SIN3B: variants seen among roughly 807,000 people sequenced by gnomAD.
SIN3B encodes the protein paired amphipathic helix protein Sin3b.
SIN3B carries 19 observed loss-of-function variants against 120.2 expected under a neutral mutation model. The observed-to-expected ratio is 0.16, with a 90% CI of 0.11 to 0.23. The LOEUF (loss-of-function observed/expected upper bound fraction) is 0.23. Ranked by LOEUF, SIN3B falls within the 10% of genes least tolerant of loss-of-function variation. SIN3B has a pLI of 1.00. For missense variants in SIN3B, 1,073 were observed against 1,573.0 expected (o/e 0.68, Z 5.38); for synonymous variants, 654 against 653.2 (o/e 1.00, Z -0.02).
At chr19:16,865,786 G>A (rs1184571711) in intron 11 of SIN3B, 138 bp downstream of exon 11, 1 of 632,796 alleles carries the variant, frequency 1.6e-6, no homozygotes. Flanking sequence ...CTCCAGGGGT[G>A]GTCTCTGAGG....
chr19:16,858,955 G>GAAAAC (rs1365259112), intron 8 of SIN3B, among the ~76,000 whole-genome samples: 3 of 151,044 alleles, frequency 2.0e-5, no homozygotes, highest in Non-Finnish European at 3.0e-5. Context: ...TCAAAAAAAC[G>GAAAAC]AAAACAAAAA....
At chr19:16,831,472 C>A (rs1361972641) in intron 2 of SIN3B, 22 bp from the exon 3 acceptor site, 1 of 1,609,658 alleles carries the variant, frequency 6.2e-7, no homozygotes, top group African/African-American at 1.3e-5. Context: ...ACCCTTTTGC[C>A]CACTTCCGTT....
chr19:16,860,719 G>A (rs1364451278), intron 8 of SIN3B, among the ~76,000 whole-genome samples: 1 of 150,406 alleles, frequency 6.6e-6, no homozygotes. Context: ...TCCTGCCTCA[G>A]CCTCTCCCAG....
rs1971581360 is a variant in SIN3B, at chr19:16,854,126, G to A, written c.940-17G>A. ...GGAGCAGGGGTTCACAGTGGTCCCT[G>A]ACTGCTCTCTCTGCAGGTCCGCCGG... On this transcript the variant is annotated splice_polypyrimidine_tract_variant and intron_variant, in intron 7 of 18. Transcript: ENST00000248054. The A allele has an allele frequency of 1.8e-5, 29 of 1,598,906 alleles. No individual in the cohort carries two copies. Among genetic ancestry groups the A allele is most frequent in the Non-Finnish European group, 2.4e-5 (28 of 1,169,334 alleles).
At chr19:16,863,023 T>C (rs773145640) in intron 9 of SIN3B, 2 of 1,446,096 alleles carry the variant, frequency 1.4e-6, no homozygotes, top group Non-Finnish European at 1.9e-6. Flanking sequence ...CTGCCCGTGT[T>C]TGTAAATAAA....
chr19:16,878,522 A>G lies in SIN3B; in HGVS notation c.3188A>G (p.His1063Arg). Residue 1063 changes from histidine (H) to arginine (R), a missense_variant, in exon 19 of 19, where the codon CAC becomes CGC. Coordinates refer to ENST00000248054, the MANE Select transcript of SIN3B (RefSeq NM_001297595.2). Reference protein sequence around the residue: ...KQVQPLVLLRHHQHFEEWHSR... With the variant: ...KQVQPLVLLRRHQHFEEWHSR... ...GTGCAGCCCCTGGTCCTGCTCCGCC[A>G]CCACCAGCACTTTGAGGAGTGGCAC... The G allele has an allele frequency of 6.3e-7, 1 of 1,587,886 alleles. No homozygotes were observed.
chr19:16,832,013 C>T (rs1971284724), intron 3 of SIN3B, among the ~76,000 whole-genome samples: 1 of 152,110 alleles, frequency 6.6e-6, no homozygotes, highest in South Asian at 2.1e-4. Context: ...TAAGCATGTC[C>T]TCGTCTGCCT....
rs746957519 is a variant in SIN3B, at chr19:16,846,987, G to A, written c.600G>A (p.Thr200=). ...ACTGGCAGAAGGAGCAGCTGAACAC[G>A]AGGGGCCGGCCATTCCGAGGCATGT... ...LHTYQKEQLN[T]RGRPFRGMSE... The change falls in exon 5 of 19, where the codon ACG becomes ACA. Residue 200 remains threonine (T), a synonymous_variant. Coordinates refer to ENST00000248054, the MANE Select transcript of SIN3B (RefSeq NM_001297595.2). 1.2e-6 allele frequency: 2 copies of A among 1,613,930 alleles called. No individual in the cohort carries two copies. The highest frequency in any genetic ancestry group is 1.7e-6 in the Non-Finnish European group (2 of 1,179,912).
chr19:16,877,558 A>G lies in SIN3B; in HGVS notation c.2873A>G (p.Tyr958Cys). The change falls in exon 17 of 19, where the codon TAC becomes TGC. Residue 958 changes from tyrosine (Y) to cysteine (C), a missense_variant. This residue lies in a region of SIN3B where 311 missense variants were observed against 400.3 expected (regional missense o/e 0.78). Transcript: ENST00000248054. ...DPVEVQHLAR[Y>C]VEQYVGTEGA... ...CCCTGTCCCCAGCACCTGGCTCGGT[A>G]CGTGGAGCAGTATGTGGGGACCGAG... 6.2e-7 allele frequency: 1 copy of G among 1,609,992 alleles called. No homozygotes were observed. Among genetic ancestry groups the G allele is most frequent in the Non-Finnish European group, 8.5e-7 (1 of 1,178,678 alleles).
At chr19:16,871,567 A>C in intron 14 of SIN3B, 169 bp downstream of exon 14, 1 of 622,402 alleles carries the variant, frequency 1.6e-6, no homozygotes, top group East Asian at 2.9e-5. Flanking sequence ...TGAAGTGTAC[A>C]GTTTGGTAAC....
chr19:16,835,865 G>A (rs1971341407), intron 3 of SIN3B, among the ~76,000 whole-genome samples: 1 of 152,148 alleles, frequency 6.6e-6, no homozygotes, highest in African/African-American at 2.4e-5. Flanking sequence ...ATGTTGTCCA[G>A]GCTGGACTCA....
chr19:16,843,078 T>A (rs956346350), intron 4 of SIN3B, among the ~76,000 whole-genome samples: 1 of 152,108 alleles, frequency 6.6e-6, no homozygotes. Flanking sequence ...CGCTTGGAAT[T>A]TTTTTTAGCA....
Position 16,853,067 on chromosome 19 carries a change from A to G in SIN3B, c.850-2A>G. ...TTAACTGCATAGAATTTCTCCCCAC[A>G]GAAAAAAATGAAACTTCGTGGTACC... On this transcript the variant is annotated splice_acceptor_variant, in intron 6 of 18. Transcript: ENST00000248054. LOFTEE classifies it high-confidence loss of function. The G allele has an allele frequency of 6.2e-7, 1 of 1,614,024 alleles. No homozygotes were observed. Among genetic ancestry groups the G allele is most frequent in the Non-Finnish European group, 8.5e-7 (1 of 1,179,866 alleles).
In SIN3B at chr19:16,871,534, G is replaced by A. The variant is rs137871972; in HGVS notation, c.2592+136G>A. 5.5e-4 allele frequency: 430 copies of A among 784,832 alleles called. 2 individuals carry two copies. In the East Asian group the frequency reaches 0.011, roughly 20 times the overall value. 48.6% of individuals were successfully genotyped at this position (784,832 alleles called of 1,614,324 possible). A position where few individuals can be genotyped will look rare whatever the true frequency, so the allele number is the denominator to read the frequency against. On this transcript the variant is annotated intron_variant, in intron 14 of 18. Transcript: ENST00000248054. Reference sequence around the variant, plus strand: ...TTTTTTCTTAATTGAGACAAAATTCGCATAACGTAAAATTAACCATTTTGA... The same window carrying A: ...TTTTTTCTTAATTGAGACAAAATTCACATAACGTAAAATTAACCATTTTGA...
chr19:16,871,895 C>G (rs2051516502), intron 14 of SIN3B, among the ~76,000 whole-genome samples: 1 of 152,088 alleles, frequency 6.6e-6, no homozygotes, highest in South Asian at 2.1e-4. Flanking sequence ...GTTCCGTGTC[C>G]CTGTTGACAA....
At chr19:16,850,490 A>G (rs1019558844) in intron 5 of SIN3B, among the ~76,000 whole-genome samples, 5 of 152,022 alleles carry the variant, frequency 3.3e-5, no homozygotes, top group African/African-American at 9.7e-5. Context: ...CCTGTCCCTA[A>G]CAGCAGCCCA....
chr19:16,862,680 G>T lies in SIN3B; in HGVS notation c.1266+121G>T. 1 of 1,155,830 alleles carries T rather than the reference G, an allele frequency of 8.7e-7. No homozygotes were observed. Among genetic ancestry groups the T allele is most frequent in the South Asian group, 1.3e-5 (1 of 75,580 alleles). 71.6% of individuals were successfully genotyped at this position (1,155,830 alleles called of 1,614,324 possible). On this transcript the variant is annotated intron_variant, in intron 9 of 18. Transcript: ENST00000248054. This position sits in a 1 kb window ranked among gnomAD's most constrained non-coding sequence, Gnocchi z 4.7. Reference sequence around the variant, plus strand: ...TGTGCTCAGCCCTCCTGAATGTTGGGTTATGGGTGGTGCTGGGATGTGGCC... The same window carrying T: ...TGTGCTCAGCCCTCCTGAATGTTGGTTTATGGGTGGTGCTGGGATGTGGCC...
chr19:16,833,225 T>G (rs1971301729), intron 3 of SIN3B, among the ~76,000 whole-genome samples: 1 of 152,188 alleles, frequency 6.6e-6, no homozygotes. Context: ...GAAGAGATGA[T>G]AGAGCGTCCA....
intron 17 of SIN3B, 29 bp downstream of exon 17, chr19:16,877,668 TC>T (rs775223118): frequency 6.9e-7 from 1 of 1,449,074 alleles, no homozygotes; most frequent in East Asian, 2.3e-5. Flanking sequence ...CATGCTCTGT[TC>T]CTTCCTTCCT....
Sources: allele counts gnomAD v4.1 joint callset (sites outside exome capture counted in the v4.1 genomes callset), GRCh38; gene constraint gnomAD v4.1.1; regional missense constraint gnomAD v4.1.1; non-coding constraint Gnocchi (gnomAD v3.1); transcripts MANE v1.5; gene names NCBI Gene and HGNC (gene_info 2026-07-23, HGNC 2026-07-21).